ATG7: variants seen among roughly 807,000 people sequenced by gnomAD.
The protein encoded by ATG7 is autophagy related 7, also known as ubiquitin-like modifier-activating enzyme ATG7.
A neutral mutation model predicts 82.4 loss-of-function variants in ATG7; 70 were observed. The observed-to-expected ratio is 0.85, with a 90% CI of 0.70 to 1.04. The LOEUF (loss-of-function observed/expected upper bound fraction) is 1.04, where lower values mean the gene tolerates loss of function less well. ATG7 is among the 50% of genes least tolerant of loss of function. The pLI is 0.00. For missense variants in ATG7, 792 were observed against 864.3 expected, an observed-to-expected ratio of 0.92 and a Z score of 1.05; for synonymous variants, 287 against 313.0, an observed-to-expected ratio of 0.92 and a Z score of 0.88.
intron 11 of ATG7, among the ~76,000 whole-genome samples, chr3:11,338,525 T>C (rs1469882050): frequency 2.0e-5 from 3 of 152,120 alleles, no homozygotes; most frequent in Admixed American, 6.5e-5. Flanking sequence ...TTTATGAAAC[T>C]CAAATCTGAC....
chr3:11,451,785 CAAAA>C lies in ATG7; in HGVS notation c.2079+24870_2079+24873del, dbSNP rs376573903. Reference sequence around the variant, plus strand: ...ACGTGTATATATATGTTTATAGTCTCAAAAAAAAAAAAAACAAATTAAAAAAACC... The same window carrying C: ...ACGTGTATATATATGTTTATAGTCTCAAAAAAAAAACAAATTAAAAAAACC... On this transcript the variant is annotated intron_variant, in intron 20 of 20. Coordinates refer to ENST00000693202, the MANE Select transcript of ATG7 (RefSeq NM_001349232.2). Among the ~76,000 whole-genome samples, 171 of 129,584 alleles carry C rather than the reference CAAAA, an allele frequency of 1.3e-3. 3 individuals are homozygous for C. The highest frequency in any genetic ancestry group is 4.8e-3 in the African/African-American group (162 of 33,912). The allele number at this position is 129,584 out of a possible 152,430, so 85.0% of individuals were successfully genotyped here.
the ATG7 span, chr3:11,568,467 TCCAGGC>T: frequency 8.1e-7 from 1 of 1,241,238 alleles, no homozygotes; most frequent in Non-Finnish European, 1.1e-6. The surrounding 1 kb of genome is among the most constrained non-coding windows in gnomAD (Gnocchi z 5.9). Flanking sequence ...GAAGGGGACT[TCCAGGC>T]CCACTAACTG....
At chr3:11,445,907 CTT>C (rs984648245) in intron 20 of ATG7, among the ~76,000 whole-genome samples, 5 of 152,020 alleles carry the variant, frequency 3.3e-5, no homozygotes, top group African/African-American at 1.2e-4. Context: ...TGTTAAACGT[CTT>C]ATGTATATTA....
Position 11,347,878 on chromosome 3 carries a change from G to A in ATG7, c.1127G>A (p.Gly376Asp). The A allele has an allele frequency of 6.2e-7, 1 of 1,613,722 alleles. No individual in the cohort carries two copies. The highest frequency in any genetic ancestry group is 8.5e-7 in the Non-Finnish European group (1 of 1,179,814). Reference sequence around the variant, plus strand: ...CCATGATCTCCTGTTTCCACACAGGGTTGGGGCGTGAGACACATCACATTT... The same window carrying A: ...CCATGATCTCCTGTTTCCACACAGGATTGGGGCGTGAGACACATCACATTT... Reference protein sequence around the residue: ...LGCNVARTLMGWGVRHITFVD... With the variant: ...LGCNVARTLMDWGVRHITFVD... Residue 376 changes from glycine to aspartate, a missense_variant and splice_region_variant, in exon 14 of 21, where the codon GGT becomes GAT. Gly to Asp is a moderately conservative substitution (Grantham distance 94, BLOSUM62 -1). Transcript: ENST00000693202.
At position 11,340,704 on chromosome 3, in the gene ATG7, G is replaced by A; in HGVS notation, c.949G>A (p.Val317Met). The A allele has an allele frequency of 6.2e-7, 1 of 1,613,744 alleles. No individual in the cohort carries two copies. ...NQKGGMGPRM[V>M]NLSECMDPKR... Reference sequence around the variant, plus strand: ...GAAAGGAGGCATGGGACCAAGGATGGTGAACCTCAGTGAATGTATGGACCC... The same window carrying A: ...GAAAGGAGGCATGGGACCAAGGATGATGAACCTCAGTGAATGTATGGACCC... The change falls in exon 12 of 21, where the codon GTG (valine) becomes ATG (methionine). Residue 317 changes from valine to methionine, a missense_variant. Physicochemically the swap from Val to Met is conservative, Grantham distance 21. Coordinates refer to ENST00000693202, the MANE Select transcript of ATG7 (RefSeq NM_001349232.2).
chr3:11,459,496 G>A (rs2086097667), intron 20 of ATG7, among the ~76,000 whole-genome samples: 1 of 43,344 alleles, frequency 2.3e-5, no homozygotes, highest in Non-Finnish European at 3.7e-5. Flanking sequence ...CAGGAGCCAA[G>A]TGTTTTTTTT....
intron 19 of ATG7, among the ~76,000 whole-genome samples, chr3:11,415,891 G>T (rs2081334958): frequency 6.6e-6 from 1 of 151,904 alleles, no homozygotes; most frequent in Admixed American, 6.6e-5. Context: ...ATTGTACGTG[G>T]TACACTTTTA....
At chr3:11,367,646 C>CA (rs35112958) in intron 18 of ATG7, among the ~76,000 whole-genome samples, 11 of 151,538 alleles carry the variant, frequency 7.3e-5, no homozygotes, top group African/African-American at 1.9e-4. Context: ...GGCCAAGTGC[C>CA]AAAAAAAGGC....
intron 20 of ATG7, among the ~76,000 whole-genome samples, chr3:11,506,102 T>G (rs2091690696): frequency 6.6e-6 from 1 of 152,184 alleles, no homozygotes; most frequent in Non-Finnish European, 1.5e-5. Context: ...TTTGAGTTGG[T>G]CTCTCTGTAA....
intron 20 of ATG7, among the ~76,000 whole-genome samples, chr3:11,486,463 T>C (rs1368979311): frequency 6.6e-6 from 1 of 152,046 alleles, no homozygotes; most frequent in Non-Finnish European, 1.5e-5. Flanking sequence ...TTTCTAGATA[T>C]ACAACCATGT....
intron 19 of ATG7, among the ~76,000 whole-genome samples, chr3:11,417,805 A>ATTTTTTTTTTTTTTTTTTTTTTTT (rs200364263): frequency 4.6e-4 from 24 of 52,720 alleles, no homozygotes; most frequent in South Asian, 7.0e-4. Context: ...TTATTATTTT[A>ATTTTTTTTTTTTTTTTTTTTTTTT]TTTTATTTTA....
chr3:11,522,471 G>T (rs1359115138), intron 20 of ATG7, among the ~76,000 whole-genome samples: 1 of 145,804 alleles, frequency 6.9e-6, no homozygotes, highest in Non-Finnish European at 1.5e-5. Flanking sequence ...TTATTAGTGA[G>T]ATGAGCGGAT....
chr3:11,521,116 A>G (rs1356503100), intron 20 of ATG7, among the ~76,000 whole-genome samples: 2 of 152,184 alleles, frequency 1.3e-5, no homozygotes, highest in Non-Finnish European at 2.9e-5. Flanking sequence ...CAATGCTGAG[A>G]CATAGTTCCA....
intron 7 of ATG7, among the ~76,000 whole-genome samples, chr3:11,312,923 T>G (rs1948886085): frequency 6.6e-6 from 1 of 152,196 alleles, no homozygotes; most frequent in South Asian, 2.1e-4. Flanking sequence ...TTGTTTAGGT[T>G]TTTTACCCCT....
At chr3:11,303,118 A>C (rs1341623399) in intron 5 of ATG7, among the ~76,000 whole-genome samples, 1 of 152,208 alleles carries the variant, frequency 6.6e-6, no homozygotes, top group Admixed American at 6.5e-5. Context: ...AGGTAACAAC[A>C]GATTAATGAG....
intron 3 of ATG7, 54 bp from the exon 4 acceptor site, chr3:11,298,632 C>G (rs1946314829): frequency 6.6e-7 from 1 of 1,512,236 alleles, no homozygotes; most frequent in Non-Finnish European, 9.0e-7. Flanking sequence ...TTCTTTCTCA[C>G]CAGGTTTTGC....
chr3:11,370,165 A>G (rs1224199102), intron 18 of ATG7, among the ~76,000 whole-genome samples: 1 of 151,286 alleles, frequency 6.6e-6, no homozygotes, highest in Non-Finnish European at 1.5e-5. Flanking sequence ...ACTTTTAATT[A>G]AAATGGAAAC....
At chr3:11,382,667 A>G (rs902099122) in intron 19 of ATG7, among the ~76,000 whole-genome samples, 1 of 152,238 alleles carries the variant, frequency 6.6e-6, no homozygotes, top group Admixed American at 6.5e-5. Flanking sequence ...TGGTGTTACT[A>G]CCAGAGGGAA....
chr3:11,515,395 C>A (rs961799250), intron 20 of ATG7, among the ~76,000 whole-genome samples: 3 of 151,998 alleles, frequency 2.0e-5, no homozygotes, highest in African/African-American at 7.3e-5. Flanking sequence ...CCTCCACCTC[C>A]CCGGTTCAAG....
Sources: gnomAD v4.1 joint callset for allele counts (sites outside exome capture counted in the v4.1 genomes callset) on GRCh38, gnomAD v4.1.1 for gene constraint, Gnocchi (gnomAD v3.1) non-coding constraint, MANE v1.5 for transcripts, NCBI Gene and HGNC (gene_info 2026-07-23, HGNC 2026-07-21) for gene names.